The following EVA1B variants were observed in gnomAD, a reference collection of about 807,000 sequenced individuals.
The protein encoded by EVA1B is protein eva-1 homolog B.
EVA1B carries 2 observed loss-of-function variants against 4.6 expected under a neutral mutation model. The ratio of observed to expected loss-of-function variants is 0.43; its 90% CI spans 0.18 to 1.37. The LOEUF (loss-of-function observed/expected upper bound fraction) is 1.37, where lower values mean the gene tolerates loss of function less well. EVA1B is among the 40% of genes most tolerant of loss of function. The pLI, the probability that EVA1B is intolerant of heterozygous loss-of-function variation, is 0.28. For synonymous variants in EVA1B, 124 were observed against 115.8 expected (o/e 1.07, Z -0.46); for missense variants, 263 against 240.4 (o/e 1.09, Z -0.62).
Position 36,322,228 on chromosome 1 carries a change from TG to T in EVA1B, c.*66del. ...TGGGGGCCGAGGCAGTCCGAAGGTG[TG>T]GGGTAGCTCTGAGCTCATGTGCAGG... On this transcript the variant is annotated 3_prime_UTR_variant, in exon 3 of 3. Coordinates refer to ENST00000490466, the MANE Select transcript of EVA1B (RefSeq NM_001304762.2). 1 of 1,414,856 alleles carries T rather than the reference TG, an allele frequency of 7.1e-7. No homozygotes were observed. Among genetic ancestry groups the T allele is most frequent in the Non-Finnish European group, 9.2e-7 (1 of 1,087,098 alleles). The allele number at this position is 1,414,856 out of a possible 1,614,324, so 87.6% of individuals were successfully genotyped here.
rs1176439146 is a variant in EVA1B at position 36,322,235 on chromosome 1, G to T, written c.*60C>A. On this transcript the variant is annotated 3_prime_UTR_variant, in exon 3 of 3. Coordinates refer to ENST00000490466, the MANE Select transcript of EVA1B (RefSeq NM_001304762.2). ...CGAGGCAGTCCGAAGGTGTGGGGTAGCTCTGAGCTCATGTGCAGGTCCGGT... is the reference window on the plus strand; with the variant it reads ...CGAGGCAGTCCGAAGGTGTGGGGTATCTCTGAGCTCATGTGCAGGTCCGGT... 2.1e-6 allele frequency: 3 copies of T among 1,433,210 alleles called. No individual in the cohort carries two copies. The highest frequency in any genetic ancestry group is 2.9e-5 in the African/African-American group (2 of 67,980). The allele number at this position is 1,433,210 out of a possible 1,614,324, so 88.8% of individuals were successfully genotyped here.
At chr1:36,322,804 A>G in intron 2 of EVA1B, 79 bp from the exon 3 acceptor site, 3 of 1,497,196 alleles carry the variant, frequency 2.0e-6, no homozygotes, top group Non-Finnish European at 2.7e-6. Context: ...CCCAGGTTCT[A>G]GGTGTGGGGG....
In EVA1B at chr1:36,323,156, G is replaced by A. The variant is rs1019876741; in HGVS notation, c.-30-89C>T. The A allele has an allele frequency of 5.2e-6, 6 of 1,157,880 alleles. No homozygotes were observed. In the Admixed American group the frequency reaches 1.5e-4, roughly 29 times the overall value. The allele number at this position is 1,157,880 out of a possible 1,614,324, so 71.7% of individuals were successfully genotyped here. ...GCAGCTCCTCTCCCGGGAGCCGCGG[G>A]CCCAGGTTCCACCCTGGAGAGAGCG... On this transcript the variant is annotated intron_variant, in intron 1 of 2. Transcript: ENST00000490466.
chr1:36,323,154 G>A, intron 1 of EVA1B, 87 bp from the exon 2 acceptor site: 1 of 1,194,326 alleles, frequency 8.4e-7, no homozygotes, highest in Non-Finnish European at 1.2e-6. Flanking sequence ...CGGGAGCCGC[G>A]GGCCCAGGTT....
At position 36,322,736 on chromosome 1, in the gene EVA1B, C is replaced by G. The variant is rs1049403603; in HGVS notation, c.68-11G>C. 1.3e-6 allele frequency: 2 copies of G among 1,545,536 alleles called. No individual in the cohort carries two copies. The highest frequency in any genetic ancestry group is 2.7e-5 in the African/African-American group (2 of 72,916). On this transcript the variant is annotated splice_polypyrimidine_tract_variant and intron_variant, in intron 2 of 2. Transcript: ENST00000490466. ...AGCTCTCGGGGTTGGCTGCGGGGCA[C>G]AGGGCGGGGGTCACGGAGAGGCCCG...
At position 36,322,740 on chromosome 1, in the gene EVA1B, G is replaced by A. The variant is rs1156924099; in HGVS notation, c.68-15C>T. ...CTCGGGGTTGGCTGCGGGGCACAGGGCGGGGGTCACGGAGAGGCCCGGACG... is the reference window on the plus strand; with the variant it reads ...CTCGGGGTTGGCTGCGGGGCACAGGACGGGGGTCACGGAGAGGCCCGGACG... On this transcript the variant is annotated splice_polypyrimidine_tract_variant and intron_variant, in intron 2 of 2. Transcript: ENST00000490466. 2 of 1,545,528 alleles carry A rather than the reference G, an allele frequency of 1.3e-6. No individual in the cohort carries two copies.
At chr1:36,323,327 C>A (rs1236209318) in intron 1 of EVA1B, 132 bp downstream of exon 1, 2 of 385,302 alleles carry the variant, frequency 5.2e-6, no homozygotes, top group East Asian at 1.0e-4. Flanking sequence ...CCGGTTCCGC[C>A]GTCCCGGGGC....
Position 36,322,252 on chromosome 1 carries a change from A to G in EVA1B, c.*43T>C. ...GTGGGGTAGCTCTGAGCTCATGTGCAGGTCCGGTACCCCGAGCGCCTTGCA... is the reference window on the plus strand; with the variant it reads ...GTGGGGTAGCTCTGAGCTCATGTGCGGGTCCGGTACCCCGAGCGCCTTGCA... On this transcript the variant is annotated 3_prime_UTR_variant, in exon 3 of 3. Transcript: ENST00000490466. 3 of 1,449,542 alleles carry G rather than the reference A, an allele frequency of 2.1e-6. No homozygotes were observed. Among genetic ancestry groups the G allele is most frequent in the Non-Finnish European group, 2.7e-6 (3 of 1,105,816 alleles). The allele number at this position is 1,449,542 out of a possible 1,614,324, so 89.8% of individuals were successfully genotyped here. A position where few individuals can be genotyped will look rare whatever the true frequency, so the allele number is the denominator to read the frequency against.
intron 2 of EVA1B, 26 bp downstream of exon 2, chr1:36,322,945 C>T (rs757018075): frequency 1.4e-5 from 23 of 1,606,698 alleles, no homozygotes; most frequent in Non-Finnish European, 1.9e-5. Flanking sequence ...GGTTCAGGCC[C>T]CCAGTCTTCC....
In EVA1B at chr1:36,322,108, G is replaced by A; in HGVS notation, c.*187C>T. On this transcript the variant is annotated 3_prime_UTR_variant, in exon 3 of 3. Coordinates refer to ENST00000490466, the MANE Select transcript of EVA1B (RefSeq NM_001304762.2). ...CAGAGAGGGAGTGGGGACCCTGCAT[G>A]CTGCCCCCTCCCCGCCCCCGGGGTC... 7.4e-7 allele frequency: 1 copy of A among 1,358,358 alleles called. No individual in the cohort carries two copies. Among genetic ancestry groups the A allele is most frequent in the Admixed American group, 3.4e-5 (1 of 29,084 alleles). The allele number at this position is 1,358,358 out of a possible 1,614,324, so 84.1% of individuals were successfully genotyped here.
chr1:36,322,415 C>T lies in EVA1B; in HGVS notation c.378G>A (p.Glu126=), dbSNP rs753179253. The change falls in exon 3 of 3, where the codon GAG becomes GAA. Residue 126 remains glutamate, a synonymous_variant. Transcript: ENST00000490466. The part of the protein sequence containing the change: ...AEELERAQRL[E]ERERILREIW... ...TCTCCCGCAGGATCCGTTCGCGCTC[C>T]TCCAGCCGCTGCGCCCGCTCCAGCT... The T allele has an allele frequency of 1.2e-6, 2 of 1,601,790 alleles. No homozygotes were observed. The highest frequency in any genetic ancestry group is 8.5e-7 in the Non-Finnish European group (1 of 1,179,304).
Position 36,322,261 on chromosome 1 carries a change from A to G in EVA1B, c.*34T>C. On this transcript the variant is annotated 3_prime_UTR_variant, in exon 3 of 3. Coordinates refer to ENST00000490466, the MANE Select transcript of EVA1B (RefSeq NM_001304762.2). ...CTCTGAGCTCATGTGCAGGTCCGGT[A>G]CCCCGAGCGCCTTGCAGCGGGAGCC... 6.8e-7 allele frequency: 1 copy of G among 1,459,908 alleles called. No individual in the cohort carries two copies. Among genetic ancestry groups the G allele is most frequent in the Non-Finnish European group, 9.0e-7 (1 of 1,111,326 alleles). The allele number at this position is 1,459,908 out of a possible 1,614,324, so 90.4% of individuals were successfully genotyped here. A position where few individuals can be genotyped will look rare whatever the true frequency, so the allele number is the denominator to read the frequency against.
Position 36,322,130 on chromosome 1 carries a change from G to T in EVA1B, c.*165C>A. The T allele has an allele frequency of 7.4e-7, 1 of 1,353,486 alleles. No individual in the cohort carries two copies. The highest frequency in any genetic ancestry group is 3.4e-5 in the Admixed American group (1 of 29,284). 83.8% of individuals were successfully genotyped at this position (1,353,486 alleles called of 1,614,324 possible). A position where few individuals can be genotyped will look rare whatever the true frequency, so the allele number is the denominator to read the frequency against. On this transcript the variant is annotated 3_prime_UTR_variant, in exon 3 of 3. Transcript: ENST00000490466. ...CATGCTGCCCCCTCCCCGCCCCCGG[G>T]GTCTTCTGGCAGGACTGGGGAAGGG...
In EVA1B at chr1:36,322,283, A is replaced by T; in HGVS notation, c.*12T>A. ...GGTACCCCGAGCGCCTTGCAGCGGG[A>T]GCCGGGGCCCATCAGTAATAGTGCA... is the stretch of plus-strand genomic sequence containing the variant. On this transcript the variant is annotated 3_prime_UTR_variant, in exon 3 of 3. Transcript: ENST00000490466. 3 of 1,492,468 alleles carry T rather than the reference A, an allele frequency of 2.0e-6. No individual in the cohort carries two copies. The highest frequency in any genetic ancestry group is 2.7e-6 in the Non-Finnish European group (3 of 1,127,728). The allele number at this position is 1,492,468 out of a possible 1,614,324, so 92.5% of individuals were successfully genotyped here. A position where few individuals can be genotyped will look rare whatever the true frequency, so the allele number is the denominator to read the frequency against.
chr1:36,323,207 G>A, intron 1 of EVA1B, 140 bp from the exon 2 acceptor site: 1 of 707,784 alleles, frequency 1.4e-6, no homozygotes, highest in East Asian at 3.3e-5. Flanking sequence ...GGCGGCCCGG[G>A]GCCCTGTCGG....
Position 36,322,547 on chromosome 1 carries a change from C to G in EVA1B, c.246G>C (p.Glu82Asp), listed in dbSNP as rs145646808. 1.4e-4 allele frequency: 225 copies of G among 1,597,540 alleles called. No homozygotes were observed. The highest frequency in any genetic ancestry group is 1.8e-4 in the Non-Finnish European group (212 of 1,176,774). ...TLEPEDDDED[E>D]EDTVTRLGPD... ...GGCCCAGCCGAGTCACCGTGTCCTC[C>G]TCGTCCTCGTCGTCGTCCTCGGGCT... Residue 82 changes from glutamate (E) to aspartate (D), a missense_variant, in exon 3 of 3, where the codon GAG becomes GAC. Physicochemically the swap from Glu to Asp is conservative, Grantham distance 45. Coordinates refer to ENST00000490466, the MANE Select transcript of EVA1B (RefSeq NM_001304762.2).
At chr1:36,322,800 T>C (rs746798396) in intron 2 of EVA1B, 75 bp from the exon 3 acceptor site, 35 of 1,503,804 alleles carry the variant, frequency 2.3e-5, no homozygotes, top group Non-Finnish European at 3.2e-5. Context: ...AGACCCCAGG[T>C]TCTAGGTGTG....
chr1:36,323,707 G>C (rs1159818685), upstream of EVA1B: 1 of 152,102 alleles, frequency 6.6e-6, no homozygotes, highest in Non-Finnish European at 1.5e-5. Flanking sequence ...GGAGAGGAAG[G>C]GGAGAGGAGC....
At position 36,323,029 on chromosome 1, in the gene EVA1B, G is replaced by A; in HGVS notation, c.9C>T (p.Ala3=). ...TGAGCAACTCCATGTCCCTTCGCGG[G>A]GCATCCATGCTGCTCTGGGGGGCAG... MD[A]PRRDMELLSN... is the part of the protein sequence containing the mutation. Residue 3 remains alanine, a synonymous_variant, in exon 2 of 3, where the codon GCC becomes GCT. Transcript: ENST00000490466. 1 of 1,600,588 alleles carries A rather than the reference G, an allele frequency of 6.2e-7. No homozygotes were observed. Among genetic ancestry groups the A allele is most frequent in the Non-Finnish European group, 8.5e-7 (1 of 1,176,274 alleles).
Sources: gnomAD v4.1 joint callset for allele counts on GRCh38, gnomAD v4.1.1 for gene constraint, MANE v1.5 for transcripts, NCBI Gene and HGNC (gene_info 2026-07-23, HGNC 2026-07-21) for gene names.